CDK11A: variants seen among roughly 807,000 people sequenced by gnomAD.
CDK11A encodes the protein cyclin-dependent kinase 11A.
Under a neutral mutation model 83.6 loss-of-function variants are expected in CDK11A, and 55 were observed. The observed-to-expected ratio is 0.66, with a 90% CI of 0.53 to 0.82. The LOEUF is 0.82. Among genes scored for constraint, CDK11A ranks in the 40% least tolerant of loss-of-function variants. The probability of loss-of-function intolerance (pLI) is 0.00; values close to 1 mark genes in which losing one functional copy is unlikely to be tolerated. For missense variants in CDK11A, 564 were observed against 810.1 expected (o/e 0.70, Z 3.69); for synonymous variants, 247 against 302.7 (o/e 0.82, Z 1.91).
Position 1,703,622 on chromosome 1 carries a change from C to A in CDK11A, c.1914G>T (p.Glu638Asp), listed in dbSNP as rs1136980. ...AGATTTTCTCACTGGGGGTCCCCAG[C>A]TCCTGAAAGACAGAGGTGCTTCAAC... is the stretch of plus-strand genomic sequence containing the variant. ...EIDQINKVFK[E>D]LGTPSEKIWP... Residue 638 changes from glutamate to aspartate, a missense_variant and splice_region_variant, in exon 18 of 20, where the codon GAG becomes GAT. By Grantham distance (45) the Glu-to-Asp change is conservative. Coordinates refer to ENST00000404249, the MANE Select transcript of CDK11A (RefSeq NM_024011.4). The A allele has an allele frequency of 3.0e-4, 474 of 1,594,662 alleles. 11 individuals carry two copies. The highest frequency in any genetic ancestry group is 1.9e-3 in the African/African-American group (138 of 71,146).
At chr1:1,704,741 G>C (rs1644245551) in intron 13 of CDK11A, 86 bp from the exon 14 acceptor site, 2 of 1,601,048 alleles carry the variant, frequency 1.2e-6, no homozygotes, top group Admixed American at 3.4e-5. Flanking sequence ...GGGACAGTAA[G>C]GACCTCCGGT....
At chr1:1,710,584 G>C (rs1644462912) in intron 6 of CDK11A, among the ~76,000 whole-genome samples, 1 of 132,874 alleles carries the variant, frequency 7.5e-6, no homozygotes, top group African/African-American at 2.6e-5. Flanking sequence ...GAGAAACAAA[G>C]AAACAGGACA....
chr1:1,706,178 T>C (rs1286851465), intron 11 of CDK11A, among the ~76,000 whole-genome samples: 6 of 150,482 alleles, frequency 4.0e-5, no homozygotes, highest in African/African-American at 1.5e-4. Context: ...GTTCAGGCGA[T>C]TCTCCTGCCT....
Position 1,703,490 on chromosome 1 carries a change from G to A in CDK11A, c.2046C>T (p.Phe682=), listed in dbSNP as rs756365885. The A allele has an allele frequency of 9.8e-6, 15 of 1,528,878 alleles. No homozygotes were observed. The highest frequency in any genetic ancestry group is 1.2e-5 in the South Asian group (1 of 82,874). 94.7% of individuals were successfully genotyped at this position (1,528,878 alleles called of 1,614,324 possible). Residue 682 remains phenylalanine (F), a synonymous_variant, in exon 18 of 20, where the codon TTC becomes TTT. Transcript: ENST00000404249. ...ACTGGGCTCACTTGTTCATGAGGTC[G>A]AAGCCCTGGTCTGAGAGCAGAGCCC... ...RFGALLSDQG[F]DLMNKFLTYF...
chr1:1,713,570 G>A (rs1398199264), intron 5 of CDK11A, among the ~76,000 whole-genome samples: 2 of 101,606 alleles, frequency 2.0e-5, no homozygotes, highest in African/African-American at 6.0e-5. Flanking sequence ...CATGATACTA[G>A]CTCAAGTCCA....
At chr1:1,704,872 C>A (rs1644251346) in intron 13 of CDK11A, 32 bp downstream of exon 13, 1 of 1,607,054 alleles carries the variant, frequency 6.2e-7, no homozygotes, top group South Asian at 1.1e-5. Flanking sequence ...AAGCCTTCCA[C>A]CCGGGGCCAG....
chr1:1,706,815 G>T (rs1644330122), intron 11 of CDK11A, among the ~76,000 whole-genome samples: 1 of 150,564 alleles, frequency 6.6e-6, no homozygotes, highest in Admixed American at 6.6e-5. Context: ...CCTGCTGCAT[G>T]CGCCAGAGAG....
rs1397538098 is a variant in CDK11A, at chr1:1,714,871, C to T, written c.488+1475G>A. Reference sequence around the variant, plus strand: ...CGAGCTCTCTCCAGTCTCTGCTGCACGTCTTTGGCGGGATCACAGCTGCTC... The same window carrying T: ...CGAGCTCTCTCCAGTCTCTGCTGCATGTCTTTGGCGGGATCACAGCTGCTC... On this transcript the variant is annotated intron_variant, in intron 5 of 19. Transcript: ENST00000404249. 9.4e-5 allele frequency among the ~76,000 whole-genome samples: 14 copies of T among 148,150 alleles called. 1 individual carries two copies. The highest frequency in any genetic ancestry group is 3.5e-4 in the African/African-American group (14 of 40,508).
Position 1,702,427 on chromosome 1 carries a change from T to C in CDK11A, c.*480A>G, listed in dbSNP as rs1285457879. ...AATACATTTTAAAACTCAACAACCT[T>C]GTATAAAAACCTGTCGAGTCTGCTG... On this transcript the variant is annotated 3_prime_UTR_variant, in exon 20 of 20. Coordinates refer to ENST00000404249, the MANE Select transcript of CDK11A (RefSeq NM_024011.4). 2.8e-5 allele frequency among the ~76,000 whole-genome samples: 3 copies of C among 106,854 alleles called. No homozygotes were observed. Among genetic ancestry groups the C allele is most frequent in the African/African-American group, 9.8e-5 (3 of 30,598 alleles). The allele number at this position is 106,854 out of a possible 152,430, so 70.1% of individuals were successfully genotyped here.
chr1:1,715,014 G>T (rs1176897466), intron 5 of CDK11A, among the ~76,000 whole-genome samples: 1 of 148,336 alleles, frequency 6.7e-6, no homozygotes, highest in Non-Finnish European at 1.5e-5. Flanking sequence ...TTCCAAGGCA[G>T]CAAGGAAACT....
chr1:1,702,796 A>G lies in CDK11A; in HGVS notation c.*111T>C. 1.9e-6 allele frequency: 1 copy of G among 516,858 alleles called. No homozygotes were observed. The highest frequency in any genetic ancestry group is 2.1e-5 in the South Asian group (1 of 48,348). The allele number at this position is 516,858 out of a possible 1,614,324, so 32.0% of individuals were successfully genotyped here. A position where few individuals can be genotyped will look rare whatever the true frequency, so the allele number is the denominator to read the frequency against. On this transcript the variant is annotated 3_prime_UTR_variant, in exon 20 of 20. Coordinates refer to ENST00000404249, the MANE Select transcript of CDK11A (RefSeq NM_024011.4). Reference sequence around the variant, plus strand: ...ACAAACCAAAATACAAAAACAAAACATGGAGCACAAAGTAAGACGAGGAGT... The same window carrying G: ...ACAAACCAAAATACAAAAACAAAACGTGGAGCACAAAGTAAGACGAGGAGT...
rs1330444521 is a variant in CDK11A at position 1,722,793 on chromosome 1, T to G, written c.26A>C (p.Lys9Thr). 9 of 1,434,702 alleles carry G rather than the reference T, an allele frequency of 6.3e-6. No homozygotes were observed. The highest frequency in any genetic ancestry group is 8.4e-6 in the Non-Finnish European group (9 of 1,073,944). 88.9% of individuals were successfully genotyped at this position (1,434,702 alleles called of 1,614,324 possible). Residue 9 changes from lysine to threonine, a missense_variant, in exon 2 of 20, where the codon AAA becomes ACA. By Grantham distance (78) the Lys-to-Thr change is moderately conservative. This residue lies in a region of CDK11A where 28 missense variants were observed against 54.8 expected (regional missense o/e 0.51). Transcript: ENST00000404249. The part of the protein sequence containing the change: MGDEKDSW[K>T]VKTLDEILQE... ...AAGAATTTCATCTAAAGTTTTCACT[T>G]TCCAAGAGTCCTTTTCATCACCCAT... is the stretch of plus-strand genomic sequence containing the variant.
chr1:1,722,065 G>C (rs1259932678), intron 2 of CDK11A, among the ~76,000 whole-genome samples: 1 of 150,892 alleles, frequency 6.6e-6, no homozygotes, highest in East Asian at 1.9e-4. Flanking sequence ...GTAGGAGAAT[G>C]GTGTGAACCT....
Position 1,721,855 on chromosome 1 carries a change from T to C in CDK11A, c.112-144A>G, listed in dbSNP as rs1362419688. 6 of 1,240,802 alleles carry C rather than the reference T, an allele frequency of 4.8e-6. No homozygotes were observed. The Admixed American group carries it at 1.8e-4, about 36-fold the overall frequency. The allele number at this position is 1,240,802 out of a possible 1,614,324, so 76.9% of individuals were successfully genotyped here. ...CTCTGAATGAGCCAGTGTTATAAAA[T>C]ATAAAGAATTTTTGGCCAGGTGCAG... is the stretch of plus-strand genomic sequence containing the variant. On this transcript the variant is annotated intron_variant, in intron 2 of 19. Coordinates refer to ENST00000404249, the MANE Select transcript of CDK11A (RefSeq NM_024011.4).
chr1:1,716,489 A>G lies in CDK11A; in HGVS notation c.356-11T>C, dbSNP rs1883424. The G allele has an allele frequency of 0.39, 630,562 of 1,603,286 alleles. 139,432 individuals carry two copies. Among genetic ancestry groups the G allele is most frequent in the East Asian group, 0.59 (26,206 of 44,686 alleles). On this transcript the variant is annotated splice_polypyrimidine_tract_variant and intron_variant, in intron 4 of 19. Coordinates refer to ENST00000404249, the MANE Select transcript of CDK11A (RefSeq NM_024011.4). The stretch of plus-strand genomic sequence containing the variant: ...CTCTAGCATGCTTCCCTAATGAGAA[A>G]TAAAGTGTCATGCAAAGAAACCTCA...
intron 4 of CDK11A, among the ~76,000 whole-genome samples, chr1:1,717,214 A>C (rs1644698125): frequency 6.6e-6 from 1 of 151,280 alleles, no homozygotes; most frequent in African/African-American, 2.4e-5. Context: ...ATACTGAATA[A>C]ACTATAATTA....
At chr1:1,716,814 C>CAAAAAAAAAAAAAAA (rs1168780288) in intron 4 of CDK11A, among the ~76,000 whole-genome samples, 2 of 76,678 alleles carry the variant, frequency 2.6e-5, no homozygotes, top group African/African-American at 5.9e-5. Flanking sequence ...GACTCCATCT[C>CAAAAAAAAAAAAAAA]AAAAAAAAAA....
Position 1,721,876 on chromosome 1 carries a change from T to A in CDK11A, c.112-165A>T, listed in dbSNP as rs535913285. 50 of 928,130 alleles carry A rather than the reference T, an allele frequency of 5.4e-5. 1 individual carries two copies. The highest frequency in any genetic ancestry group is 2.9e-4 in the Admixed American group (8 of 27,656). The allele number at this position is 928,130 out of a possible 1,614,324, so 57.5% of individuals were successfully genotyped here. On this transcript the variant is annotated intron_variant, in intron 2 of 19. Transcript: ENST00000404249. ...AAAATATAAAGAATTTTTGGCCAGGTGCAGTGGCTCACGCTTGTTAATCCC... is the reference window on the plus strand; with the variant it reads ...AAAATATAAAGAATTTTTGGCCAGGAGCAGTGGCTCACGCTTGTTAATCCC...
chr1:1,714,745 T>G (rs1203118628), intron 5 of CDK11A, among the ~76,000 whole-genome samples: 1 of 137,088 alleles, frequency 7.3e-6, no homozygotes, highest in African/African-American at 2.6e-5. Flanking sequence ...GGGAGCACAC[T>G]GAACGTTCAG....
Sources: gnomAD v4.1 joint callset for allele counts (sites outside exome capture counted in the v4.1 genomes callset) on GRCh38, gnomAD v4.1.1 for gene constraint, gnomAD v4.1.1 regional missense constraint, MANE v1.5 for transcripts, NCBI Gene and HGNC (gene_info 2026-07-23, HGNC 2026-07-21) for gene names.